PDE4D: variants seen among roughly 807,000 people sequenced by gnomAD.
The protein encoded by PDE4D is 3',5'-cyclic-AMP phosphodiesterase 4D.
In PDE4D, 24 loss-of-function variants were observed where a neutral mutation model predicts 87.4. That is an observed-to-expected ratio of 0.27 (90% CI 0.20 to 0.39). The LOEUF (loss-of-function observed/expected upper bound fraction) is 0.39, where lower values mean the gene tolerates loss of function less well. Among genes scored for constraint, PDE4D ranks in the 10% least tolerant of loss-of-function variants. The pLI is 1.00. For missense variants in PDE4D, 714 were observed against 1,041.0 expected (o/e 0.69, Z 4.32); for synonymous variants, 384 against 383.2 (o/e 1.00, Z -0.02).
intron 1 of PDE4D, among the ~76,000 whole-genome samples, chr5:59,676,735 G>C (rs1343062030): frequency 1.3e-5 from 2 of 152,152 alleles, no homozygotes; most frequent in African/African-American, 4.8e-5. Flanking sequence ...ATAGTGATCA[G>C]ATCAGGGTAT....
chr5:60,091,213 C>T (rs1490435586), intron 2 of PDE4D, among the ~76,000 whole-genome samples: 1 of 152,160 alleles, frequency 6.6e-6, no homozygotes, highest in Non-Finnish European at 1.5e-5. Flanking sequence ...AGTGAAGAGA[C>T]AACCTGTTAA....
At chr5:60,512,322 T>G (rs1316279071) in intron 1 of PDE4D, among the ~76,000 whole-genome samples, 1 of 152,164 alleles carries the variant, frequency 6.6e-6, no homozygotes, top group Non-Finnish European at 1.5e-5. Context: ...TCTTCAAGAG[T>G]TAGAAAAATA....
intron 1 of PDE4D, among the ~76,000 whole-genome samples, chr5:59,781,495 A>T (rs1200298078): frequency 6.6e-6 from 1 of 152,026 alleles, no homozygotes; most frequent in Non-Finnish European, 1.5e-5. Context: ...TAAACAAAAA[A>T]TCAATTCCTG....
chr5:59,146,933 C>G (rs1255713064), intron 5 of PDE4D, among the ~76,000 whole-genome samples: 1 of 152,170 alleles, frequency 6.6e-6, no homozygotes, highest in Non-Finnish European at 1.5e-5. Flanking sequence ...CTGTTAGGAA[C>G]CTGGTGGCAC....
chr5:59,793,601 G>A (rs1289839608), intron 1 of PDE4D, among the ~76,000 whole-genome samples: 1 of 152,166 alleles, frequency 6.6e-6, no homozygotes, highest in Admixed American at 6.5e-5. Context: ...TTTAAAGGAT[G>A]AAGATTCATT....
intron 1 of PDE4D, among the ~76,000 whole-genome samples, chr5:59,387,876 A>G (rs1400518796): frequency 2.0e-5 from 3 of 152,116 alleles, no homozygotes; most frequent in African/African-American, 7.2e-5. Context: ...CTGAGGTACA[A>G]TAGATCTCTG....
intron 1 of PDE4D, among the ~76,000 whole-genome samples, chr5:60,451,790 C>A (rs1193253442): frequency 1.3e-5 from 2 of 152,048 alleles, no homozygotes; most frequent in African/African-American, 4.8e-5. Context: ...GGAAACTGGA[C>A]CAGTTACATT....
At chr5:60,268,915 A>T (rs1750522586) in intron 1 of PDE4D, among the ~76,000 whole-genome samples, 1 of 152,206 alleles carries the variant, frequency 6.6e-6, no homozygotes, top group African/African-American at 2.4e-5. Flanking sequence ...AAACAATGCA[A>T]TTTATTGTAG....
At chr5:59,755,912 T>C (rs566325296) in intron 1 of PDE4D, among the ~76,000 whole-genome samples, 1 of 151,492 alleles carries the variant, frequency 6.6e-6, no homozygotes, top group South Asian at 2.1e-4. Flanking sequence ...GAAGCCACTT[T>C]ATTTTAATAA....
At chr5:59,743,346 G>C (rs1167116309) in intron 1 of PDE4D, among the ~76,000 whole-genome samples, 1 of 152,000 alleles carries the variant, frequency 6.6e-6, no homozygotes, top group African/African-American at 2.4e-5. Flanking sequence ...AGAAACAAAA[G>C]ATTAAATAAC....
intron 1 of PDE4D, among the ~76,000 whole-genome samples, chr5:59,491,165 C>T (rs1029056474): frequency 1.3e-5 from 2 of 152,044 alleles, no homozygotes; most frequent in Admixed American, 6.6e-5. Context: ...TTTTATATTG[C>T]CCTGTGCACT....
intron 3 of PDE4D, among the ~76,000 whole-genome samples, chr5:59,959,266 T>C (rs1036918940): frequency 1.2e-4 from 19 of 152,246 alleles, no homozygotes; most frequent in Admixed American, 3.9e-4. Flanking sequence ...GAATGACTAA[T>C]ATCACTAAAA....
intron 5 of PDE4D, among the ~76,000 whole-genome samples, chr5:59,095,412 T>G (rs770197335): frequency 3.3e-5 from 5 of 152,000 alleles, no homozygotes; most frequent in Non-Finnish European, 7.4e-5. Flanking sequence ...ACAAAGGATA[T>G]GGTTTATCAT....
chr5:59,349,391 T>C (rs1270602546), intron 1 of PDE4D, among the ~76,000 whole-genome samples: 1 of 151,994 alleles, frequency 6.6e-6, no homozygotes, highest in Non-Finnish European at 1.5e-5. Context: ...CAAGGTAAAG[T>C]GTATAGAATT....
intron 1 of PDE4D, among the ~76,000 whole-genome samples, chr5:59,234,127 T>TA (rs1272488781): frequency 2.6e-5 from 4 of 152,168 alleles, no homozygotes; most frequent in Non-Finnish European, 4.4e-5. Flanking sequence ...TGTTCTCAAA[T>TA]AAAAAATCAA....
chr5:59,060,379 A>G (rs532157344), intron 5 of PDE4D, among the ~76,000 whole-genome samples: 1 of 152,268 alleles, frequency 6.6e-6, no homozygotes, highest in South Asian at 2.1e-4. Context: ...TTACTGCTGA[A>G]TAAAATCTCA....
chr5:59,988,363 T>C, intron 3 of PDE4D: 1 of 530,570 alleles, frequency 1.9e-6, no homozygotes, highest in African/African-American at 1.9e-5. Context: ...CTTTTTTTTT[T>C]GACTCTAGAA....
chr5:59,921,563 T>C (rs986942873), intron 3 of PDE4D, among the ~76,000 whole-genome samples: 4 of 152,214 alleles, frequency 2.6e-5, no homozygotes, highest in Non-Finnish European at 5.9e-5. Context: ...ATGTTGATGA[T>C]AGTCTCTTGG....
intron 3 of PDE4D, among the ~76,000 whole-genome samples, chr5:59,189,537 A>G (rs555632341): frequency 6.6e-6 from 1 of 152,214 alleles, no homozygotes; most frequent in East Asian, 1.9e-4. Flanking sequence ...GTTTTACTAC[A>G]GGGTAGTTGT....
Sources: allele counts gnomAD v4.1 joint callset (sites outside exome capture counted in the v4.1 genomes callset), GRCh38; gene constraint gnomAD v4.1.1; transcripts MANE v1.5; gene names NCBI Gene and HGNC (gene_info 2026-07-23, HGNC 2026-07-21).